Variants in PLXNA4 observed in about 807,000 individuals in gnomAD.
PLXNA4 encodes plexin-A4.
Under a neutral mutation model 191.8 loss-of-function variants are expected in PLXNA4, and 44 were observed. The ratio of observed to expected loss-of-function variants is 0.23; its 90% CI spans 0.18 to 0.29. The LOEUF is 0.29. Among genes scored for constraint, PLXNA4 ranks in the 10% least tolerant of loss-of-function variants. PLXNA4 has a pLI of 1.00. For missense variants in PLXNA4, 1,800 were observed against 2,488.8 expected (o/e 0.72, Z 5.89); for synonymous variants, 1,082 against 1,009.5 (o/e 1.07, Z -1.36).
chr7:132,140,846 A>G, intron 29 of PLXNA4, 35 bp from the exon 30 acceptor site: 1 of 1,611,340 alleles, frequency 6.2e-7, no homozygotes, highest in Non-Finnish European at 8.5e-7. Context: ...GTCAGGAAAG[A>G]CGGGGCAGTG....
intron 3 of PLXNA4, among the ~76,000 whole-genome samples, chr7:132,445,048 G>A (rs1321754801): frequency 1.3e-5 from 2 of 150,948 alleles, no homozygotes; most frequent in African/African-American, 2.4e-5. Context: ...CCAGCTACTC[G>A]GGAGGCTGAG....
chr7:132,586,500 C>T (rs1802508544), intron 2 of PLXNA4, among the ~76,000 whole-genome samples: 1 of 152,160 alleles, frequency 6.6e-6, no homozygotes, highest in Non-Finnish European at 1.5e-5. Context: ...CCTATGATCC[C>T]AGAACTGTGG....
chr7:132,604,703 T>C (rs1027825958), intron 2 of PLXNA4, among the ~76,000 whole-genome samples: 23 of 150,442 alleles, frequency 1.5e-4, no homozygotes, highest in Middle Eastern at 3.4e-3. Flanking sequence ...CTATATATCC[T>C]ACAACTACTT....
intron 10 of PLXNA4, 150 bp downstream of exon 10, chr7:132,210,793 G>T: frequency 1.2e-6 from 1 of 850,398 alleles, no homozygotes; most frequent in Non-Finnish European, 1.8e-6. Context: ...GGGCTGGGAT[G>T]TGCCAGCAGG....
At chr7:132,176,579 T>C (rs1366598035) in intron 20 of PLXNA4, among the ~76,000 whole-genome samples, 1 of 149,018 alleles carries the variant, frequency 6.7e-6, no homozygotes, top group African/African-American at 2.5e-5. Flanking sequence ...TGTGTGAGTA[T>C]GACAGTGTGT....
intron 3 of PLXNA4, among the ~76,000 whole-genome samples, chr7:132,303,430 G>A (rs542204080): frequency 1.1e-4 from 17 of 151,932 alleles, no homozygotes; most frequent in South Asian, 4.2e-4. Context: ...TTAGCTGGGC[G>A]TGGCGGTGGG....
chr7:132,538,910 A>C (rs1799956951), intron 1 of PLXNA4, among the ~76,000 whole-genome samples: 1 of 152,264 alleles, frequency 6.6e-6, no homozygotes, highest in Non-Finnish European at 1.5e-5. Context: ...TGTGAAAAGC[A>C]GAGAATGAAA....
At chr7:132,212,692 G>A (rs767932403) in intron 9 of PLXNA4, among the ~76,000 whole-genome samples, 8 of 152,170 alleles carry the variant, frequency 5.3e-5, no homozygotes, top group Non-Finnish European at 8.8e-5. Context: ...AAGAAAGGGA[G>A]AGAGAAAGCT....
At chr7:132,365,352 T>C (rs6970879) in intron 3 of PLXNA4, among the ~76,000 whole-genome samples, 261 of 89,850 alleles carry the variant, frequency 2.9e-3, no homozygotes, top group African/African-American at 0.014. Flanking sequence ...TGTGTGTGTG[T>C]GTGTGTGTGC....
chr7:132,522,675 G>A (rs891635998), intron 1 of PLXNA4, among the ~76,000 whole-genome samples: 1 of 152,208 alleles, frequency 6.6e-6, no homozygotes, highest in African/African-American at 2.4e-5. Flanking sequence ...AGGAGGCTAA[G>A]GCAGGAAGAT....
chr7:132,628,459 C>T (rs1409292381), intron 2 of PLXNA4, among the ~76,000 whole-genome samples: 3 of 151,072 alleles, frequency 2.0e-5, no homozygotes, highest in African/African-American at 7.3e-5. Flanking sequence ...TTTTTTTCTC[C>T]TTGATTATGC....
chr7:132,540,271 T>C (rs1476718854), intron 1 of PLXNA4, among the ~76,000 whole-genome samples: 2 of 152,198 alleles, frequency 1.3e-5, no homozygotes, highest in Non-Finnish European at 2.9e-5. Flanking sequence ...GCTGGACGTC[T>C]CATGGGACAC....
chr7:132,535,918 G>A (rs1461609554), intron 1 of PLXNA4, among the ~76,000 whole-genome samples: 1 of 152,236 alleles, frequency 6.6e-6, no homozygotes, highest in East Asian at 1.9e-4. Flanking sequence ...TTAGACAGAG[G>A]GAAAAACTGG....
intron 3 of PLXNA4, among the ~76,000 whole-genome samples, chr7:132,318,801 G>A (rs575358686): frequency 6.6e-6 from 1 of 152,198 alleles, no homozygotes; most frequent in East Asian, 1.9e-4. Context: ...GGGTCGGAGG[G>A]GCTCTGTTCT....
intron 3 of PLXNA4, among the ~76,000 whole-genome samples, chr7:132,392,426 G>A (rs371983613): frequency 1.3e-4 from 20 of 152,290 alleles, no homozygotes; most frequent in East Asian, 5.8e-4. Flanking sequence ...TGAAAAGTGC[G>A]GACACTGTTT....
chr7:132,313,468 T>C (rs924018781), intron 3 of PLXNA4, among the ~76,000 whole-genome samples: 1 of 151,902 alleles, frequency 6.6e-6, no homozygotes, highest in African/African-American at 2.4e-5. Context: ...GAATAGAGGG[T>C]AAGGACAGAG....
chr7:132,444,047 T>C (rs1356129130), intron 3 of PLXNA4, among the ~76,000 whole-genome samples: 5 of 152,252 alleles, frequency 3.3e-5, no homozygotes, highest in East Asian at 1.9e-4. Flanking sequence ...CTAAGCCTGA[T>C]TGAAAACCTG....
At chr7:132,563,480 GCTCCTCCTCCTCCTT>G (rs1801472315) in intron 1 of PLXNA4, among the ~76,000 whole-genome samples, 1 of 19,868 alleles carries the variant, frequency 5.0e-5, no homozygotes. Flanking sequence ...TCCTTCTGCT[GCTCCTCCTCCTCCTT>G]CTCCTCCTCC....
At chr7:132,630,234 A>C (rs1026969213) in intron 2 of PLXNA4, among the ~76,000 whole-genome samples, 11 of 152,196 alleles carry the variant, frequency 7.2e-5, no homozygotes, top group African/African-American at 2.7e-4. Context: ...TGTCTCCTAA[A>C]GGCCCTATCT....
Sources: gnomAD v4.1 joint callset for allele counts (sites outside exome capture counted in the v4.1 genomes callset) on GRCh38, gnomAD v4.1.1 for gene constraint, MANE v1.5 for transcripts, NCBI Gene and HGNC (gene_info 2026-07-23, HGNC 2026-07-21) for gene names.